Variants in PLPPR1 observed in about 807,000 individuals in gnomAD.
PLPPR1 encodes phospholipid phosphatase-related protein type 1.
PLPPR1 carries 10 observed loss-of-function variants against 33.1 expected under a neutral mutation model. The observed-to-expected ratio is 0.30, with a 90% CI of 0.19 to 0.51. The LOEUF is 0.51. Ranked by LOEUF, PLPPR1 falls within the 20% of genes least tolerant of loss-of-function variation. PLPPR1 has a pLI of 0.97. For synonymous variants in PLPPR1, 151 were observed against 151.0 expected, an observed-to-expected ratio of 1.00 and a Z score of 0.00; for missense variants, 304 against 408.1, an observed-to-expected ratio of 0.74 and a Z score of 2.20.
intron 1 of PLPPR1, among the ~76,000 whole-genome samples, chr9:101,158,102 AC>A (rs1357214122): frequency 3.9e-5 from 6 of 152,182 alleles, no homozygotes; most frequent in African/African-American, 1.4e-4. Context: ...AATGGAGTAA[AC>A]TAGGGGCAGA....
intron 2 of PLPPR1, among the ~76,000 whole-genome samples, chr9:101,186,076 G>T (rs1381423235): frequency 6.6e-6 from 1 of 151,714 alleles, no homozygotes; most frequent in Non-Finnish European, 1.5e-5. Context: ...GATTTCTTTT[G>T]TCCTGAATTA....
At chr9:101,292,622 G>T (rs1427520207) in intron 4 of PLPPR1, among the ~76,000 whole-genome samples, 2 of 139,166 alleles carry the variant, frequency 1.4e-5, no homozygotes, top group Non-Finnish European at 3.1e-5. Flanking sequence ...CCAGAAGAGA[G>T]TTGGGCGGGG....
intron 1 of PLPPR1, among the ~76,000 whole-genome samples, chr9:101,047,265 AAGTTCTT>A (rs1470443786): frequency 1.3e-5 from 2 of 152,146 alleles, no homozygotes; most frequent in African/African-American, 4.8e-5. Flanking sequence ...TCCTTCTAGG[AAGTTCTT>A]GCACTATTCC....
intron 2 of PLPPR1, among the ~76,000 whole-genome samples, chr9:101,248,688 T>C (rs188423196): frequency 6.6e-6 from 1 of 152,212 alleles, no homozygotes; most frequent in Non-Finnish European, 1.5e-5. Flanking sequence ...ATTAGGATAA[T>C]TGTTTCTCTA....
At chr9:101,276,685 T>C (rs1828203249) in intron 3 of PLPPR1, among the ~76,000 whole-genome samples, 1 of 152,236 alleles carries the variant, frequency 6.6e-6, no homozygotes, top group African/African-American at 2.4e-5. Context: ...TAAAAAGATA[T>C]AAGAGAACAC....
chr9:101,039,227 G>C (rs1289331856), intron 1 of PLPPR1, among the ~76,000 whole-genome samples: 1 of 152,124 alleles, frequency 6.6e-6, no homozygotes, highest in Non-Finnish European at 1.5e-5. Context: ...ATGGAGCTAG[G>C]TTCTAGGCTG....
rs568390571 is a variant in PLPPR1 at position 101,245,744 on chromosome 9, A to G, written c.64-24136A>G. On this transcript the variant is annotated intron_variant, in intron 2 of 7. Transcript: ENST00000374874. ...CTTTGGTTCCCTCATCTGTAACTGG[A>G]AAGACTGAGTAACCTCTACAGTGCT... Among the ~76,000 whole-genome samples the G allele has an allele frequency of 4.6e-5, 7 of 151,944 alleles. No homozygotes were observed. In the East Asian group the frequency reaches 9.8e-4, roughly 21 times the overall value.
At chr9:101,252,156 A>G (rs1194105128) in intron 2 of PLPPR1, among the ~76,000 whole-genome samples, 1 of 152,178 alleles carries the variant, frequency 6.6e-6, no homozygotes, top group African/African-American at 2.4e-5. Flanking sequence ...CTTAAATTTA[A>G]AAGTGAAATA....
At chr9:101,283,672 T>G (rs1286585699) in intron 3 of PLPPR1, among the ~76,000 whole-genome samples, 1 of 152,070 alleles carries the variant, frequency 6.6e-6, no homozygotes, top group African/African-American at 2.4e-5. Context: ...CAAACTAAAA[T>G]GCTTCTGCAC....
At chr9:101,045,127 T>C (rs1193572694) in intron 1 of PLPPR1, among the ~76,000 whole-genome samples, 1 of 152,178 alleles carries the variant, frequency 6.6e-6, no homozygotes, top group Non-Finnish European at 1.5e-5. Flanking sequence ...TTGCCAGACA[T>C]AGCTGTGTGG....
chr9:101,307,877 A>G (rs752100173), intron 4 of PLPPR1, among the ~76,000 whole-genome samples: 9 of 151,368 alleles, frequency 5.9e-5, no homozygotes, highest in Non-Finnish European at 7.4e-5. Flanking sequence ...CATATAATAC[A>G]TCTTCATCTC....
chr9:101,046,883 G>A (rs527785257), intron 1 of PLPPR1, among the ~76,000 whole-genome samples: 1 of 151,944 alleles, frequency 6.6e-6, no homozygotes, highest in Non-Finnish European at 1.5e-5. Flanking sequence ...CATTTATCTT[G>A]GTTAAGTATC....
chr9:101,320,996 G>T (rs903535793), intron 7 of PLPPR1, among the ~76,000 whole-genome samples: 1 of 152,088 alleles, frequency 6.6e-6, no homozygotes, highest in African/African-American at 2.4e-5. Flanking sequence ...TGCTACAGGG[G>T]GCTGGTATAC....
At position 101,302,445 on chromosome 9, in the gene PLPPR1, G is replaced by A. The variant is rs537069932; in HGVS notation, c.386-6766G>A. ...TTTTACCACTTTTCCTAAAGAAACT[G>A]TGGTTTCCTGAAGGAATGGTCTTCA... On this transcript the variant is annotated intron_variant, in intron 4 of 7. Transcript: ENST00000374874. Among the ~76,000 whole-genome samples the A allele has an allele frequency of 9.2e-5, 14 of 152,322 alleles. No individual in the cohort carries two copies. In the South Asian group the frequency reaches 2.5e-3, roughly 27 times the overall value.
intron 2 of PLPPR1, among the ~76,000 whole-genome samples, chr9:101,228,517 T>C (rs1053694528): frequency 6.6e-6 from 1 of 152,068 alleles, no homozygotes; most frequent in African/African-American, 2.4e-5. Context: ...AAAGACATTG[T>C]CAAAGAATAA....
intron 1 of PLPPR1, among the ~76,000 whole-genome samples, chr9:101,082,714 C>A (rs1037360185): frequency 4.3e-4 from 65 of 152,242 alleles, no homozygotes; most frequent in African/African-American, 1.4e-3. Context: ...ATTTTCCAGT[C>A]CCATGTGTTA....
intron 1 of PLPPR1, among the ~76,000 whole-genome samples, chr9:101,139,712 T>C (rs1219690129): frequency 6.6e-6 from 1 of 152,170 alleles, no homozygotes; most frequent in Non-Finnish European, 1.5e-5. Context: ...CCAAGAGTTA[T>C]ATATAATTGG....
intron 4 of PLPPR1, among the ~76,000 whole-genome samples, chr9:101,294,514 G>C (rs1328230092): frequency 6.6e-6 from 1 of 152,188 alleles, no homozygotes; most frequent in South Asian, 2.1e-4. Context: ...GAGAATTTTA[G>C]ACCAATATCC....
At chr9:101,223,148 CAAAAAAAAAAAAAA>C (rs869205435) in intron 2 of PLPPR1, among the ~76,000 whole-genome samples, 1 of 23,722 alleles carries the variant, frequency 4.2e-5, no homozygotes, top group South Asian at 2.4e-3. Flanking sequence ...CCCATCTCTA[CAAAAAAAAAAAAAA>C]AAAAAAAAAA....
Sources: gnomAD v4.1 joint callset for allele counts (sites outside exome capture counted in the v4.1 genomes callset) on GRCh38, gnomAD v4.1.1 for gene constraint, MANE v1.5 for transcripts, NCBI Gene and HGNC (gene_info 2026-07-23, HGNC 2026-07-21) for gene names.